The following EIF4G3 variants were observed in gnomAD, a reference collection of about 807,000 sequenced individuals.
The protein encoded by EIF4G3 is eIF-4-gamma 3.
A neutral mutation model predicts 186.4 loss-of-function variants in EIF4G3; 34 were observed. The ratio of observed to expected loss-of-function variants is 0.18; its 90% CI spans 0.14 to 0.24. EIF4G3 has a LOEUF of 0.24. Among genes scored for constraint, EIF4G3 ranks in the 10% least tolerant of loss-of-function variants. The pLI, the probability that EIF4G3 is intolerant of heterozygous loss-of-function variation, is 1.00. For missense variants in EIF4G3, 1,536 were observed against 1,948.5 expected, an observed-to-expected ratio of 0.79 and a Z score of 3.99; for synonymous variants, 673 against 679.5, an observed-to-expected ratio of 0.99 and a Z score of 0.15.
At chr1:21,173,461 C>T (rs555247610) in intron 2 of EIF4G3, among the ~76,000 whole-genome samples, 4 of 152,188 alleles carry the variant, frequency 2.6e-5, no homozygotes, top group Middle Eastern at 3.4e-3. Flanking sequence ...CTGAGGCAGG[C>T]GGATCACCTG....
chr1:20,900,870 T>C (rs1351101852), intron 15 of EIF4G3, among the ~76,000 whole-genome samples: 1 of 152,160 alleles, frequency 6.6e-6, no homozygotes, highest in East Asian at 1.9e-4. Context: ...CAGAAAAAAG[T>C]TCACCCCAAA....
At chr1:20,809,355 C>G (rs896557262) in intron 36 of EIF4G3, among the ~76,000 whole-genome samples, 2 of 152,144 alleles carry the variant, frequency 1.3e-5, no homozygotes, top group African/African-American at 4.8e-5. Flanking sequence ...TTTCCTTTAT[C>G]TCCAAGAGCG....
chr1:21,032,364 GTCTA>G (rs1227113918), intron 4 of EIF4G3, among the ~76,000 whole-genome samples: 1 of 152,060 alleles, frequency 6.6e-6, no homozygotes, highest in Non-Finnish European at 1.5e-5. Flanking sequence ...ACAATTCAAA[GTCTA>G]TCTAATCCTC....
chr1:20,880,986 T>G (rs550386866), intron 19 of EIF4G3, among the ~76,000 whole-genome samples: 3 of 152,022 alleles, frequency 2.0e-5, no homozygotes, highest in African/African-American at 7.2e-5. Context: ...AAAATTTATA[T>G]GAACACACAC....
intron 4 of EIF4G3, among the ~76,000 whole-genome samples, chr1:21,030,309 T>C (rs755284277): frequency 2.0e-5 from 3 of 152,336 alleles, no homozygotes; most frequent in East Asian, 3.9e-4. Context: ...CAGTGAGAGA[T>C]GACTGAATTA....
intron 32 of EIF4G3, 119 bp from the exon 33 acceptor site, chr1:20,825,317 C>A: frequency 1.4e-6 from 1 of 732,618 alleles, no homozygotes; most frequent in Non-Finnish European, 2.1e-6. Context: ...GCTGAAAAAT[C>A]AAAACGTTTC....
At chr1:20,912,552 C>T (rs979434130) in intron 14 of EIF4G3, among the ~76,000 whole-genome samples, 3 of 152,100 alleles carry the variant, frequency 2.0e-5, no homozygotes, top group African/African-American at 7.2e-5. Flanking sequence ...ACTGAGACTG[C>T]GAAGACTTTC....
At chr1:21,034,049 T>C (rs1281690046) in intron 4 of EIF4G3, among the ~76,000 whole-genome samples, 1 of 152,148 alleles carries the variant, frequency 6.6e-6, no homozygotes, top group Non-Finnish European at 1.5e-5. Context: ...GAACTATGAT[T>C]ATGACAACAC....
intron 14 of EIF4G3, among the ~76,000 whole-genome samples, chr1:20,939,324 A>AG (rs2095627130): frequency 6.6e-6 from 1 of 152,162 alleles, no homozygotes; most frequent in Non-Finnish European, 1.5e-5. Flanking sequence ...CATTAAAAAA[A>AG]CAGTTCTTTC....
intron 7 of EIF4G3, among the ~76,000 whole-genome samples, chr1:20,990,846 G>C (rs1442503731): frequency 6.6e-6 from 1 of 152,152 alleles, no homozygotes; most frequent in Non-Finnish European, 1.5e-5. Flanking sequence ...CTGAAACCAA[G>C]TCTGCAATAT....
intron 2 of EIF4G3, among the ~76,000 whole-genome samples, chr1:21,159,314 C>T (rs2097716667): frequency 6.6e-6 from 1 of 151,978 alleles, no homozygotes. Flanking sequence ...GTGGTGTGTG[C>T]CTGTAGTCCC....
intron 25 of EIF4G3, among the ~76,000 whole-genome samples, chr1:20,855,741 T>C (rs530123800): frequency 3.3e-5 from 5 of 152,334 alleles, no homozygotes; most frequent in African/African-American, 1.2e-4. Flanking sequence ...GCTCATAATA[T>C]ATATGTTGCT....
At chr1:20,907,908 C>T (rs2092528547) in intron 14 of EIF4G3, among the ~76,000 whole-genome samples, 1 of 152,072 alleles carries the variant, frequency 6.6e-6, no homozygotes, top group South Asian at 2.1e-4. Flanking sequence ...GGTATATACC[C>T]AGTAATGGGA....
intron 3 of EIF4G3, 68 bp from the exon 4 acceptor site, chr1:21,051,062 C>A (rs2094184146): frequency 5.7e-6 from 4 of 701,116 alleles, no homozygotes; most frequent in Admixed American, 4.3e-5. Context: ...TACAGCTGAA[C>A]TATCTGATTT....
At chr1:20,953,448 A>G (rs967577504) in intron 12 of EIF4G3, among the ~76,000 whole-genome samples, 2 of 152,232 alleles carry the variant, frequency 1.3e-5, no homozygotes, top group African/African-American at 4.8e-5. Flanking sequence ...TCAAAGATTT[A>G]TATACTAAAT....
rs1558156198 is a variant in EIF4G3, at chr1:21,141,885, T to C, written c.-272+34290A>G. 2.0e-5 allele frequency among the ~76,000 whole-genome samples: 3 copies of C among 151,632 alleles called. No homozygotes were observed. In the South Asian group the frequency reaches 6.3e-4, roughly 32 times the overall value. On this transcript the variant is annotated intron_variant, in intron 2 of 36. Transcript: ENST00000602326. The stretch of plus-strand genomic sequence containing the variant: ...AATCGACGCTGCAGTGAGCTGTGAT[T>C]ATGCCACCACGCTCCATCCAACCTG...
chr1:21,110,917 AAC>A (rs2096715176), intron 2 of EIF4G3, among the ~76,000 whole-genome samples: 1 of 152,202 alleles, frequency 6.6e-6, no homozygotes, highest in Non-Finnish European at 1.5e-5. Context: ...GCAACTAATA[AAC>A]ACTTTTGTTT....
intron 12 of EIF4G3, among the ~76,000 whole-genome samples, chr1:20,962,836 A>G (rs2073673494): frequency 6.6e-6 from 1 of 152,152 alleles, no homozygotes; most frequent in Non-Finnish European, 1.5e-5. Context: ...GTGGCTATAA[A>G]ATTACATTAG....
intron 2 of EIF4G3, among the ~76,000 whole-genome samples, chr1:21,118,931 TAAAAAAA>T (rs35040627): frequency 5.8e-5 from 5 of 86,148 alleles, no homozygotes; most frequent in South Asian, 4.6e-4. Flanking sequence ...CAAGCTCTAT[TAAAAAAA>T]AAAAAAAAAA....
Sources: allele counts gnomAD v4.1 joint callset (sites outside exome capture counted in the v4.1 genomes callset), GRCh38; gene constraint gnomAD v4.1.1; transcripts MANE v1.5; gene names NCBI Gene and HGNC (gene_info 2026-07-23, HGNC 2026-07-21).